The following SCN8A variants were observed in gnomAD, a reference collection of about 807,000 sequenced individuals.
SCN8A encodes sodium channel protein type 8 subunit alpha.
In SCN8A, 30 loss-of-function variants were observed where a neutral mutation model predicts 184.1. That is an observed-to-expected ratio of 0.16 (90% confidence interval 0.12 to 0.22). SCN8A has a LOEUF of 0.22. SCN8A is among the 10% of genes least tolerant of loss of function. SCN8A has a pLI of 1.00. For synonymous variants in SCN8A, 852 were observed against 907.0 expected, an observed-to-expected ratio of 0.94 and a Z score of 1.09; for missense variants, 1,057 against 2,498.9, an observed-to-expected ratio of 0.42 and a Z score of 12.30.
chr12:51,605,873 G>T (rs564021678), intron 1 of SCN8A, among the ~76,000 whole-genome samples: 16 of 151,994 alleles, frequency 1.1e-4, no homozygotes, highest in Non-Finnish European at 2.4e-4. Flanking sequence ...TCATATATTT[G>T]TTGGCCATTT....
At chr12:51,738,629 G>A (rs1319189497) in intron 12 of SCN8A, among the ~76,000 whole-genome samples, 1 of 152,136 alleles carries the variant, frequency 6.6e-6, no homozygotes, top group Non-Finnish European at 1.5e-5. Context: ...CCCACATATG[G>A]CACAATCAGG....
At chr12:51,601,855 GTTTTTTT>G (rs938674707) in intron 1 of SCN8A, among the ~76,000 whole-genome samples, 5 of 109,746 alleles carry the variant, frequency 4.6e-5, no homozygotes, top group Admixed American at 9.5e-5. Context: ...CAGAGAAAGG[GTTTTTTT>G]TTTTTTTTTT....
chr12:51,760,862 T>C (rs764989454), intron 14 of SCN8A, among the ~76,000 whole-genome samples: 1 of 152,226 alleles, frequency 6.6e-6, no homozygotes, highest in Non-Finnish European at 1.5e-5. Context: ...AGGCCACTTA[T>C]CCATTTTGAT....
intron 21 of SCN8A, among the ~76,000 whole-genome samples, chr12:51,785,123 T>C (rs1938048630): frequency 6.6e-6 from 1 of 152,232 alleles, no homozygotes; most frequent in African/African-American, 2.4e-5. Flanking sequence ...ATTTCATTGC[T>C]TTTTGGTGCT....
chr12:51,795,326 C>A (rs1293791388), intron 26 of SCN8A, among the ~76,000 whole-genome samples: 1 of 152,164 alleles, frequency 6.6e-6, no homozygotes, highest in African/African-American at 2.4e-5. Context: ...GGGATGATGT[C>A]CTGGCAGGCA....
intron 21 of SCN8A, among the ~76,000 whole-genome samples, chr12:51,784,697 A>T (rs751376998): frequency 2.0e-5 from 3 of 152,262 alleles, no homozygotes; most frequent in African/African-American, 4.8e-5. Flanking sequence ...TCATTTGATC[A>T]AATGGATCAA....
chr12:51,684,433 G>A (rs981430600), intron 3 of SCN8A, 141 bp downstream of exon 3: 4 of 666,674 alleles, frequency 6.0e-6, no homozygotes, highest in Non-Finnish European at 1.1e-5. Context: ...AGGTTTAAGA[G>A]TGAACTCCTG....
At chr12:51,660,097 A>T (rs1471747581) in intron 1 of SCN8A, among the ~76,000 whole-genome samples, 2 of 152,298 alleles carry the variant, frequency 1.3e-5, no homozygotes, top group East Asian at 3.9e-4. Flanking sequence ...GAGAAGGAAG[A>T]GTTGATGAGG....
At chr12:51,730,181 A>G (rs1227854493) in intron 12 of SCN8A, among the ~76,000 whole-genome samples, 1 of 152,118 alleles carries the variant, frequency 6.6e-6, no homozygotes, top group Non-Finnish European at 1.5e-5. Flanking sequence ...TCTGAGTTTT[A>G]CATTCAGGTC....
chr12:51,697,907 G>A (rs1276396312), intron 6 of SCN8A, among the ~76,000 whole-genome samples: 5 of 152,182 alleles, frequency 3.3e-5, no homozygotes, highest in Non-Finnish European at 5.9e-5. Context: ...GGAGTGCAGT[G>A]GCGCAATCTT....
chr12:51,743,328 C>T (rs1942456811), intron 12 of SCN8A, among the ~76,000 whole-genome samples: 1 of 152,078 alleles, frequency 6.6e-6, no homozygotes, highest in Non-Finnish European at 1.5e-5. Context: ...TCTTCGCAAT[C>T]TGGGCTTGTT....
At chr12:51,793,959 A>G (rs995747005) in intron 25 of SCN8A, among the ~76,000 whole-genome samples, 1 of 152,188 alleles carries the variant, frequency 6.6e-6, no homozygotes, top group African/African-American at 2.4e-5. Context: ...AGCCTGGCCA[A>G]TATAGCAAAA....
chr12:51,630,880 G>A (rs1193975200), intron 1 of SCN8A, among the ~76,000 whole-genome samples: 1 of 152,040 alleles, frequency 6.6e-6, no homozygotes, highest in East Asian at 1.9e-4. Flanking sequence ...GTCAATCTTT[G>A]GAAATTTGAG....
At chr12:51,643,598 G>A (rs978656022) in intron 1 of SCN8A, among the ~76,000 whole-genome samples, 1 of 152,090 alleles carries the variant, frequency 6.6e-6, no homozygotes, top group Non-Finnish European at 1.5e-5. Flanking sequence ...AGAGCCAATT[G>A]TTATTTTGTA....
chr12:51,713,259 A>G (rs1308818978), intron 11 of SCN8A: 1 of 1,145,292 alleles, frequency 8.7e-7, no homozygotes, highest in Non-Finnish European at 1.3e-6. Context: ...CAGGCTTCAC[A>G]GAATCCTCTC....
intron 2 of SCN8A, among the ~76,000 whole-genome samples, chr12:51,674,587 G>A (rs1363687673): frequency 3.3e-5 from 5 of 151,958 alleles, no homozygotes; most frequent in Non-Finnish European, 7.4e-5. Context: ...CACCCGCCTC[G>A]GCCTCCCAAA....
chr12:51,769,912 C>G lies in SCN8A; in HGVS notation c.3417C>G (p.Ile1139Met), dbSNP rs1183713398. Residue 1139 changes from isoleucine (I) to methionine (M), a missense_variant, in exon 18 of 27, where the codon ATC becomes ATG. Ile to Met is a conservative substitution (Grantham distance 10). This residue lies in a region of SCN8A where 178 missense variants were observed against 259.6 expected (regional missense o/e 0.69). Transcript: ENST00000627620. ...TSSSEGSTID[I>M]KPEVEEVPVE... is the part of the protein sequence containing the mutation. ...CCTCTGAAGGAAGCACCATTGATAT[C>G]AAACCAGAAGTAGAAGAGGTCCCTG... is the stretch of plus-strand genomic sequence containing the variant. 2 of 1,608,106 alleles carry G rather than the reference C, an allele frequency of 1.2e-6. No homozygotes were observed. The highest frequency in any genetic ancestry group is 2.7e-5 in the African/African-American group (2 of 74,830).
At chr12:51,751,818 C>T (rs967892645) in intron 14 of SCN8A, among the ~76,000 whole-genome samples, 4 of 152,188 alleles carry the variant, frequency 2.6e-5, no homozygotes, top group Non-Finnish European at 4.4e-5. Context: ...GAGCTATTGG[C>T]AGAAAACCAA....
intron 24 of SCN8A, 135 bp from the exon 25 acceptor site, chr12:51,790,263 C>G (rs759149483): frequency 1.6e-5 from 9 of 569,250 alleles, no homozygotes; most frequent in Non-Finnish European, 2.8e-5. Context: ...CGGGTCTACC[C>G]CACTCTGGGA....
Sources: allele counts gnomAD v4.1 joint callset (sites outside exome capture counted in the v4.1 genomes callset), GRCh38; gene constraint gnomAD v4.1.1; regional missense constraint gnomAD v4.1.1; transcripts MANE v1.5; gene names NCBI Gene and HGNC (gene_info 2026-07-23, HGNC 2026-07-21).